Variants in PCDH15 observed in about 807,000 individuals in gnomAD.
PCDH15 encodes protocadherin-15.
Under a neutral mutation model 178.5 loss-of-function variants are expected in PCDH15, and 129 were observed. The ratio of observed to expected loss-of-function variants is 0.72; its 90% CI spans 0.63 to 0.84. PCDH15 has a LOEUF of 0.84. Ranked by LOEUF, PCDH15 falls within the 40% of genes least tolerant of loss-of-function variation. The pLI, the probability that PCDH15 is intolerant of heterozygous loss-of-function variation, is 0.00. For missense variants in PCDH15, 2,230 were observed against 2,099.9 expected (o/e 1.06, Z -1.21); for synonymous variants, 800 against 732.0 (o/e 1.09, Z -1.50).
rs145624737 is a variant in PCDH15, at chr10:54,984,318, C to T, written c.-79-86818G>A. ...GCTCCTCTCCCCACGCAAGTCATAA[C>T]GGTAACTTACAGTAGTCACTCTCTC... On this transcript the variant is annotated intron_variant, in intron 2 of 5. Coordinates refer to the PCDH15 transcript ENST00000458638. 4.6e-5 allele frequency among the ~76,000 whole-genome samples: 7 copies of T among 152,240 alleles called. 1 individual carries two copies. Among genetic ancestry groups the T allele is most frequent in the South Asian group, 2.1e-4 (1 of 4,828 alleles).
chr10:54,968,335 G>T (rs775859939), intron 2 of PCDH15, among the ~76,000 whole-genome samples: 31 of 151,914 alleles, frequency 2.0e-4, no homozygotes, highest in Non-Finnish European at 3.4e-4. Context: ...TTTCATTATT[G>T]TTAACATGGT....
intron 2 of PCDH15, among the ~76,000 whole-genome samples, chr10:54,932,782 C>T (rs550499366): frequency 1.2e-4 from 18 of 152,166 alleles, no homozygotes; most frequent in African/African-American, 4.3e-4. Flanking sequence ...GATGATCCAC[C>T]CGCCTCGGCC....
intron 21 of PCDH15, among the ~76,000 whole-genome samples, chr10:53,982,761 G>A (rs7895165): frequency 0.5 from 75,644 of 150,286 alleles, 19,558 homozygotes; most frequent in Middle Eastern, 0.64. Context: ...CATGGCACAT[G>A]TATACATATG....
At chr10:55,106,018 C>A (rs1048635140) in intron 2 of PCDH15, among the ~76,000 whole-genome samples, 1 of 151,652 alleles carries the variant, frequency 6.6e-6, no homozygotes, top group African/African-American at 2.4e-5. Context: ...TATTATTCAT[C>A]TGTATTATAA....
At chr10:54,232,949 G>A (rs2054230845) in intron 9 of PCDH15, among the ~76,000 whole-genome samples, 3 of 110,316 alleles carry the variant, frequency 2.7e-5, no homozygotes, top group Admixed American at 1.0e-4. Context: ...TTTTTTTAAA[G>A]AGAGTCACCT....
chr10:54,476,004 C>T (rs567432094), intron 3 of PCDH15, among the ~76,000 whole-genome samples: 2 of 138,194 alleles, frequency 1.4e-5, no homozygotes, highest in Admixed American at 7.2e-5. Flanking sequence ...TACATATATG[C>T]ATATATATAT....
chr10:54,315,640 T>C (rs12573537), intron 8 of PCDH15, among the ~76,000 whole-genome samples: 29,157 of 152,052 alleles, frequency 0.19, 2,870 homozygotes, highest in Admixed American at 0.23. Flanking sequence ...TAGGTGGTCC[T>C]CCAGGGTTTT....
intron 1 of PCDH15, among the ~76,000 whole-genome samples, chr10:55,242,653 G>A (rs1187259629): frequency 6.6e-6 from 1 of 151,740 alleles, no homozygotes; most frequent in South Asian, 2.1e-4. Context: ...ACCAGCTAGG[G>A]CAACGTGGCA....
chr10:54,891,566 G>C (rs1254280633), intron 3 of PCDH15, among the ~76,000 whole-genome samples: 1 of 152,134 alleles, frequency 6.6e-6, no homozygotes, highest in Non-Finnish European at 1.5e-5. Flanking sequence ...ATGTAAGATA[G>C]GTAAATGCCA....
At chr10:53,852,128 T>C (rs2078423433) in intron 28 of PCDH15, among the ~76,000 whole-genome samples, 1 of 151,996 alleles carries the variant, frequency 6.6e-6, no homozygotes, top group Admixed American at 6.6e-5. Context: ...TTCCTCTTAT[T>C]TGAGTTTCAT....
chr10:54,988,393 C>A (rs1431660091), intron 2 of PCDH15, among the ~76,000 whole-genome samples: 2 of 152,090 alleles, frequency 1.3e-5, no homozygotes, highest in Non-Finnish European at 2.9e-5. Flanking sequence ...GGGATTGGAA[C>A]AGTTCGGAGG....
chr10:55,391,108 C>G (rs546189254), intron 2 of PCDH15, among the ~76,000 whole-genome samples: 2 of 152,154 alleles, frequency 1.3e-5, no homozygotes, highest in Non-Finnish European at 2.9e-5. Context: ...CAATACAAGA[C>G]CGTTTTGTCT....
At chr10:54,093,829 T>C (rs1010687262) in intron 15 of PCDH15, among the ~76,000 whole-genome samples, 12 of 152,190 alleles carry the variant, frequency 7.9e-5, no homozygotes, top group Non-Finnish European at 1.6e-4. Flanking sequence ...TGCATCTTTT[T>C]TATCTAGAGA....
chr10:54,374,687 T>C (rs1948147925), intron 4 of PCDH15, among the ~76,000 whole-genome samples: 1 of 149,410 alleles, frequency 6.7e-6, no homozygotes, highest in African/African-American at 2.5e-5. Context: ...AAAATTTATG[T>C]AACTTTAGTG....
At chr10:53,848,702 C>T (rs1210428383) in intron 28 of PCDH15, among the ~76,000 whole-genome samples, 1 of 151,840 alleles carries the variant, frequency 6.6e-6, no homozygotes, top group Non-Finnish European at 1.5e-5. Context: ...TTGATAAGAA[C>T]ATTTTAAACA....
chr10:55,083,782 T>C (rs1487227385), intron 2 of PCDH15, among the ~76,000 whole-genome samples: 3 of 151,650 alleles, frequency 2.0e-5, no homozygotes, highest in Non-Finnish European at 4.4e-5. Flanking sequence ...CAGCAAACAA[T>C]CTGAAAAAGA....
At chr10:53,852,493 T>TA (rs151270341) in intron 28 of PCDH15, among the ~76,000 whole-genome samples, 5,883 of 152,076 alleles carry the variant, frequency 0.039, 356 homozygotes, top group African/African-American at 0.13. Flanking sequence ...TAAAAAGTAG[T>TA]AAAAAATTTT....
At chr10:54,675,176 G>T (rs1193056808) in intron 1 of PCDH15, among the ~76,000 whole-genome samples, 7 of 151,696 alleles carry the variant, frequency 4.6e-5, no homozygotes, top group Non-Finnish European at 1.0e-4. Context: ...CTATTATATA[G>T]TAAATTCAAA....
chr10:55,088,186 C>T (rs1429268205), intron 2 of PCDH15, among the ~76,000 whole-genome samples: 1 of 151,918 alleles, frequency 6.6e-6, no homozygotes, highest in Non-Finnish European at 1.5e-5. Flanking sequence ...TACATATAGG[C>T]TATTCCAGGT....
Sources: gnomAD v4.1 joint callset for allele counts (sites outside exome capture counted in the v4.1 genomes callset) on GRCh38, gnomAD v4.1.1 for gene constraint, MANE v1.5 for transcripts, NCBI Gene and HGNC (gene_info 2026-07-23, HGNC 2026-07-21) for gene names.